ZNF804A: variants seen among roughly 807,000 people sequenced by gnomAD.
ZNF804A encodes zinc finger protein 804A.
A neutral mutation model predicts 16.5 loss-of-function variants in ZNF804A; 2 were observed. The observed-to-expected ratio is 0.12, with a 90% CI of 0.05 to 0.38. ZNF804A has a LOEUF of 0.38. ZNF804A is among the 10% of genes least tolerant of loss of function. The pLI is 0.99. For synonymous variants in ZNF804A, 534 were observed against 489.6 expected (o/e 1.09, Z -1.20); for missense variants, 1,473 against 1,390.7 (o/e 1.06, Z -0.94).
At chr2:184,612,674 A>C (rs1691257451) in intron 1 of ZNF804A, among the ~76,000 whole-genome samples, 1 of 152,180 alleles carries the variant, frequency 6.6e-6, no homozygotes, top group Non-Finnish European at 1.5e-5. Flanking sequence ...ACCTCAGGTG[A>C]TCTGCCCACC....
At position 184,895,364 on chromosome 2, in the gene ZNF804A, T is replaced by A. The variant is rs533906674; in HGVS notation, c.255+28852T>A. Among the ~76,000 whole-genome samples, 9 of 152,280 alleles carry A rather than the reference T, an allele frequency of 5.9e-5. No individual in the cohort carries two copies. In the East Asian group the frequency reaches 1.5e-3, roughly 26 times the overall value. The stretch of plus-strand genomic sequence containing the variant: ...AATAACTCAATAACTTAAATATGAA[T>A]CTTTAAGAAGCATTTTAAGATGGAA... On this transcript the variant is annotated intron_variant, in intron 2 of 3. Coordinates refer to ENST00000302277, the MANE Select transcript of ZNF804A (RefSeq NM_194250.2).
At chr2:184,913,662 A>G (rs896941334) in intron 2 of ZNF804A, among the ~76,000 whole-genome samples, 19 of 152,074 alleles carry the variant, frequency 1.2e-4, no homozygotes, top group Non-Finnish European at 2.5e-4. Context: ...TAAACCTTTG[A>G]TTACTTTCCA....
intron 2 of ZNF804A, among the ~76,000 whole-genome samples, chr2:184,909,332 G>A (rs1199056959): frequency 6.6e-6 from 1 of 152,008 alleles, no homozygotes; most frequent in Non-Finnish European, 1.5e-5. Flanking sequence ...AAAATTACAT[G>A]CATTTTAAAA....
intron 2 of ZNF804A, among the ~76,000 whole-genome samples, chr2:184,867,563 A>G (rs918002657): frequency 6.6e-6 from 1 of 152,040 alleles, no homozygotes; most frequent in African/African-American, 2.4e-5. Context: ...CTTCAATTAC[A>G]TACTTCACCG....
rs188012073 is a variant in ZNF804A, at chr2:184,874,276, G to A, written c.255+7764G>A. On this transcript the variant is annotated intron_variant, in intron 2 of 3. Transcript: ENST00000302277. ...AGGATGATGGGATACCATAGGAGAC[G>A]TAACCATGTGAAATATATTCTAATT... 2.0e-5 allele frequency among the ~76,000 whole-genome samples: 3 copies of A among 152,156 alleles called. No individual in the cohort carries two copies. The East Asian group carries it at 5.8e-4, about 29-fold the overall frequency.
chr2:184,906,387 C>A (rs547775838), intron 2 of ZNF804A, among the ~76,000 whole-genome samples: 8 of 152,136 alleles, frequency 5.3e-5, no homozygotes, highest in Non-Finnish European at 1.2e-4. Context: ...TACCCGCAAC[C>A]TTCCAGGCTC....
intron 1 of ZNF804A, among the ~76,000 whole-genome samples, chr2:184,768,420 G>A (rs1694162922): frequency 6.6e-6 from 1 of 151,964 alleles, no homozygotes; most frequent in Non-Finnish European, 1.5e-5. Context: ...TACATCCTTT[G>A]AAGATCTGTA....
intron 2 of ZNF804A, 127 bp downstream of exon 2, chr2:184,866,639 T>A: frequency 1.2e-6 from 1 of 800,596 alleles, no homozygotes; most frequent in Non-Finnish European, 1.8e-6. Context: ...TTGAAATATA[T>A]CATTCTGGGA....
chr2:184,922,896 TCC>T (rs1482147527), intron 2 of ZNF804A, among the ~76,000 whole-genome samples: 2 of 152,112 alleles, frequency 1.3e-5, no homozygotes, highest in African/African-American at 2.4e-5. Context: ...ATTTCTGGGT[TCC>T]CCATTCTATT....
intron 1 of ZNF804A, among the ~76,000 whole-genome samples, chr2:184,628,266 T>C (rs946766061): frequency 6.6e-6 from 1 of 151,968 alleles, no homozygotes; most frequent in Non-Finnish European, 1.5e-5. Flanking sequence ...GGTTAGCAGA[T>C]ATTGTGCCAT....
intron 1 of ZNF804A, among the ~76,000 whole-genome samples, chr2:184,833,596 A>G (rs1053814542): frequency 1.3e-5 from 2 of 152,066 alleles, no homozygotes; most frequent in Admixed American, 6.6e-5. Flanking sequence ...TGTTGGTTTT[A>G]GGTAATATAT....
At chr2:184,858,115 A>G (rs1368289859) in intron 1 of ZNF804A, among the ~76,000 whole-genome samples, 3 of 151,452 alleles carry the variant, frequency 2.0e-5, no homozygotes, top group Non-Finnish European at 2.9e-5. Context: ...CTACTTTTTT[A>G]TCTTTGGTAT....
intron 1 of ZNF804A, among the ~76,000 whole-genome samples, chr2:184,840,851 C>T (rs748748073): frequency 6.6e-6 from 1 of 152,112 alleles, no homozygotes; most frequent in African/African-American, 2.4e-5. Context: ...GACCTTGTAT[C>T]TACTCAAACA....
chr2:184,636,684 CTT>C (rs755286762), intron 1 of ZNF804A, among the ~76,000 whole-genome samples: 8 of 150,382 alleles, frequency 5.3e-5, no homozygotes, highest in Non-Finnish European at 7.4e-5. Context: ...GTCCTAGATC[CTT>C]TTTTTTGTCT....
intron 1 of ZNF804A, among the ~76,000 whole-genome samples, chr2:184,858,032 C>A (rs766830536): frequency 6.6e-6 from 1 of 151,966 alleles, no homozygotes; most frequent in Non-Finnish European, 1.5e-5. Flanking sequence ...TCTTTTGTTT[C>A]TTTCTTCTAC....
intron 1 of ZNF804A, among the ~76,000 whole-genome samples, chr2:184,712,663 A>G (rs1559132736): frequency 6.6e-6 from 1 of 151,736 alleles, no homozygotes; most frequent in Non-Finnish European, 1.5e-5. Flanking sequence ...TGCATATATT[A>G]GTTGGTTTGA....
intron 3 of ZNF804A, among the ~76,000 whole-genome samples, chr2:184,934,578 C>G (rs1685754883): frequency 6.6e-6 from 1 of 152,032 alleles, no homozygotes; most frequent in African/African-American, 2.4e-5. Flanking sequence ...TACTGCTGTT[C>G]AGTTACACTA....
intron 1 of ZNF804A, among the ~76,000 whole-genome samples, chr2:184,848,521 G>T (rs773317334): frequency 3.9e-5 from 6 of 152,010 alleles, no homozygotes; most frequent in Non-Finnish European, 7.4e-5. Flanking sequence ...GATAACAGAA[G>T]TAGAGAAAAT....
chr2:184,838,510 A>C lies in ZNF804A; in HGVS notation c.112-27859A>C, dbSNP rs541343461. Among the ~76,000 whole-genome samples, 7 of 152,238 alleles carry C rather than the reference A, an allele frequency of 4.6e-5. No homozygotes were observed. The South Asian group carries it at 1.4e-3, about 32-fold the overall frequency. On this transcript the variant is annotated intron_variant, in intron 1 of 3. Coordinates refer to ENST00000302277, the MANE Select transcript of ZNF804A (RefSeq NM_194250.2). ...TGATTATTCTATAGAGATTTCTAGG[A>C]AATTTCTTTATTTTGCTAATTAAAC...
Sources: allele counts gnomAD v4.1 joint callset (sites outside exome capture counted in the v4.1 genomes callset), GRCh38; gene constraint gnomAD v4.1.1; transcripts MANE v1.5; gene names NCBI Gene and HGNC (gene_info 2026-07-23, HGNC 2026-07-21).